The following DDX60L variants were observed in gnomAD, a reference collection of about 807,000 sequenced individuals.
DDX60L encodes the protein DExD/H-box 60 like, also known as probable ATP-dependent RNA helicase DDX60-like.
Under a neutral mutation model 211.6 loss-of-function variants are expected in DDX60L, and 191 were observed. That is an observed-to-expected ratio of 0.90 (90% CI 0.80 to 1.02). The LOEUF (loss-of-function observed/expected upper bound fraction) is 1.02, where lower values mean the gene tolerates loss of function less well. Among genes scored for constraint, DDX60L ranks in the 50% least tolerant of loss-of-function variants. DDX60L has a pLI of 0.00. For missense variants in DDX60L, 2,007 were observed against 1,984.1 expected, an observed-to-expected ratio of 1.01 and a Z score of -0.22; for synonymous variants, 706 against 694.1, an observed-to-expected ratio of 1.02 and a Z score of -0.27.
intron 2 of DDX60L, 73 bp downstream of exon 2, chr4:168,472,623 T>C (rs904768894): frequency 6.3e-7 from 1 of 1,593,672 alleles, no homozygotes; most frequent in Non-Finnish European, 8.6e-7. Flanking sequence ...AATTACTTTG[T>C]AACATTATTG....
chr4:168,457,394 GT>G (rs1201482601), intron 6 of DDX60L, among the ~76,000 whole-genome samples: 7 of 147,914 alleles, frequency 4.7e-5, no homozygotes, highest in African/African-American at 1.8e-4. Context: ...CTACTTTTGT[GT>G]TTTTTTCCAA....
At chr4:168,379,677 T>A (rs1046903481) in intron 31 of DDX60L, 49 bp downstream of exon 31, 1 of 1,450,362 alleles carries the variant, frequency 6.9e-7, no homozygotes, top group Non-Finnish European at 9.5e-7. Context: ...TAGAAAGAAG[T>A]TTACACGGTA....
intron 12 of DDX60L, among the ~76,000 whole-genome samples, chr4:168,432,191 T>C (rs1752451217): frequency 6.6e-6 from 1 of 151,360 alleles, no homozygotes; most frequent in Non-Finnish European, 1.5e-5. Flanking sequence ...GGGATTTTTT[T>C]CAGACAGCAT....
chr4:168,427,225 G>C lies in DDX60L; in HGVS notation c.1775C>G (p.Ser592Cys), dbSNP rs1033048625. The stretch of plus-strand genomic sequence containing the variant: ...ATTGTTCTTCATCTCCTCTTCAATA[G>C]AAAACAGCAGATCATCGTTTTGCTG... ...KAQQNDDLLFSIEEEMKNNLH... is the reference protein window; with the variant it reads ...KAQQNDDLLFCIEEEMKNNLH... The change falls in exon 14 of 38, where the codon TCT becomes TGT. Residue 592 changes from serine (S) to cysteine (C), a missense_variant. Ser to Cys is a moderately radical substitution (Grantham distance 112, BLOSUM62 -1). Coordinates refer to ENST00000682922, the MANE Select transcript of DDX60L (RefSeq NM_001012967.3). 6 of 1,613,568 alleles carry C rather than the reference G, an allele frequency of 3.7e-6. No individual in the cohort carries two copies. The highest frequency in any genetic ancestry group is 2.7e-5 in the African/African-American group (2 of 74,880).
rs17054114 is a variant in DDX60L at position 168,415,559 on chromosome 4, G to A, written c.2870-42C>T. ...AGAATATCCAAATTAATGGACATAC[G>A]ATTATTAGAATATGGATTTAAAACA... On this transcript the variant is annotated intron_variant, in intron 21 of 37. Coordinates refer to ENST00000682922, the MANE Select transcript of DDX60L (RefSeq NM_001012967.3). 3.6e-3 allele frequency: 5,213 copies of A among 1,452,376 alleles called. 116 individuals are homozygous for A. In the African/African-American group the frequency reaches 0.054, roughly 15 times the overall value. 90.0% of individuals were successfully genotyped at this position (1,452,376 alleles called of 1,614,324 possible).
chr4:168,459,904 A>T (rs1291061871), intron 5 of DDX60L, among the ~76,000 whole-genome samples: 4 of 152,142 alleles, frequency 2.6e-5, no homozygotes, highest in Admixed American at 2.6e-4. Flanking sequence ...ATGACAGAAT[A>T]AAAATAAAGC....
chr4:168,451,396 G>T (rs756865148), intron 8 of DDX60L, among the ~76,000 whole-genome samples: 2 of 151,996 alleles, frequency 1.3e-5, no homozygotes, highest in Non-Finnish European at 2.9e-5. Flanking sequence ...TTCTTCTTTC[G>T]GTGGCAGCAT....
intron 10 of DDX60L, among the ~76,000 whole-genome samples, chr4:168,436,453 G>A (rs553141934): frequency 6.6e-6 from 1 of 152,306 alleles, no homozygotes; most frequent in South Asian, 2.1e-4. Context: ...TACGTTCATG[G>A]AAAGCACTGG....
intron 28 of DDX60L, among the ~76,000 whole-genome samples, chr4:168,393,452 T>C (rs1745211162): frequency 1.3e-5 from 2 of 152,054 alleles, no homozygotes; most frequent in African/African-American, 2.4e-5. Context: ...GCCGAGATTA[T>C]GCCACTGCAC....
chr4:168,478,317 C>T (rs1335333329), intron 1 of DDX60L, among the ~76,000 whole-genome samples: 1 of 152,046 alleles, frequency 6.6e-6, no homozygotes, highest in Non-Finnish European at 1.5e-5. Flanking sequence ...ACTATCATTT[C>T]AAATGAACTT....
chr4:168,405,913 T>A (rs1160469669), intron 24 of DDX60L, 37 bp downstream of exon 24: 1 of 1,519,860 alleles, frequency 6.6e-7, no homozygotes, highest in East Asian at 2.4e-5. Flanking sequence ...CAATTAACAA[T>A]TAAGTGAAAC....
chr4:168,423,572 A>AG, intron 15 of DDX60L, 36 bp downstream of exon 15: 1 of 1,296,990 alleles, frequency 7.7e-7, no homozygotes. Context: ...AAAATTGAGT[A>AG]AAAATTTAAA....
chr4:168,427,366 C>A (rs746489877), intron 13 of DDX60L, 44 bp from the exon 14 acceptor site: 4 of 1,580,322 alleles, frequency 2.5e-6, no homozygotes, highest in Non-Finnish European at 2.6e-6. Context: ...TGGGAAAATT[C>A]CATTATGACA....
chr4:168,374,095 C>A (rs561401704), intron 34 of DDX60L, among the ~76,000 whole-genome samples: 1 of 152,034 alleles, frequency 6.6e-6, no homozygotes, highest in East Asian at 1.9e-4. Context: ...TCAGGCAGCT[C>A]CTACCAGTGG....
intron 34 of DDX60L, among the ~76,000 whole-genome samples, chr4:168,374,721 G>T (rs540165407): frequency 6.6e-6 from 1 of 152,188 alleles, no homozygotes; most frequent in Non-Finnish European, 1.5e-5. Context: ...ATAGTGACAC[G>T]TAGCTAGCTG....
At position 168,358,244 on chromosome 4, in the gene DDX60L, C is replaced by T. The variant is rs771464614; in HGVS notation, c.5024G>A (p.Arg1675His). ...TTTAAATGCCAGGACTACATTGTCA[C>T]GCTTATTTTCACATAGTTCACTCAA... is the stretch of plus-strand genomic sequence containing the variant. The part of the protein sequence containing the change: ...DSLSELCENK[R>H]DNVVLAFKQL... The change falls in exon 38 of 38, where the codon CGT becomes CAT. Residue 1675 changes from arginine to histidine, a missense_variant. Transcript: ENST00000682922. 3.0e-5 allele frequency: 48 copies of T among 1,597,666 alleles called. No homozygotes were observed. Among genetic ancestry groups the T allele is most frequent in the African/African-American group, 1.5e-4 (11 of 73,968 alleles).
intron 20 of DDX60L, 69 bp downstream of exon 20, chr4:168,416,613 C>A (rs1367402722): frequency 2.1e-5 from 18 of 852,628 alleles, no homozygotes; most frequent in Non-Finnish European, 5.1e-6. Flanking sequence ...TTAAAGACTT[C>A]AGACCATATA....
chr4:168,428,400 C>A (rs1751811014), intron 13 of DDX60L, among the ~76,000 whole-genome samples: 1 of 152,112 alleles, frequency 6.6e-6, no homozygotes, highest in Non-Finnish European at 1.5e-5. Context: ...GCAACTTCAG[C>A]CTGGTTAATG....
intron 19 of DDX60L, among the ~76,000 whole-genome samples, chr4:168,418,871 G>A (rs1750011659): frequency 1.3e-5 from 2 of 152,196 alleles, no homozygotes; most frequent in South Asian, 4.1e-4. Context: ...AAATGGGAAG[G>A]AGAGAAGACA....
Sources: allele counts gnomAD v4.1 joint callset (sites outside exome capture counted in the v4.1 genomes callset), GRCh38; gene constraint gnomAD v4.1.1; transcripts MANE v1.5; gene names NCBI Gene and HGNC (gene_info 2026-07-23, HGNC 2026-07-21).